The following ENTPD1 variants were observed in gnomAD, a reference collection of about 807,000 sequenced individuals.
ENTPD1 encodes the protein ATP diphosphohydrolase.
A neutral mutation model predicts 57.0 loss-of-function variants in ENTPD1; 33 were observed. The ratio of observed to expected loss-of-function variants is 0.58; its 90% CI spans 0.44 to 0.77. The LOEUF (loss-of-function observed/expected upper bound fraction) is 0.77, where lower values mean the gene tolerates loss of function less well. Ranked by LOEUF, ENTPD1 falls within the 30% of genes least tolerant of loss-of-function variation. ENTPD1 has a pLI of 0.00. For synonymous variants in ENTPD1, 202 were observed against 218.8 expected (o/e 0.92, Z 0.68); for missense variants, 501 against 603.4 (o/e 0.83, Z 1.78).
In ENTPD1 at chr10:95,743,101, A is replaced by C. The variant is rs546273101; in HGVS notation, c.37+31108A>C. On this transcript the variant is annotated intron_variant, in intron 1 of 9. Coordinates refer to the ENTPD1 transcript ENST00000453258. ...AGATTCCAAATTACATTTAATCTTC[A>C]TGACTCCTTAGGCTCCTCTTGGCTG... Among the ~76,000 whole-genome samples, 16 of 152,340 alleles carry C rather than the reference A, an allele frequency of 1.1e-4. No individual in the cohort carries two copies. The South Asian group carries it at 1.2e-3, about 12-fold the overall frequency.
chr10:95,825,400 A>C (rs551859779), intron 2 of ENTPD1, among the ~76,000 whole-genome samples: 2 of 152,364 alleles, frequency 1.3e-5, no homozygotes, highest in South Asian at 4.1e-4. Context: ...CATGGTTTGT[A>C]AACTAGTACC....
chr10:95,762,271 T>C (rs573561624), intron 1 of ENTPD1, among the ~76,000 whole-genome samples: 30 of 151,494 alleles, frequency 2.0e-4, no homozygotes, highest in Non-Finnish European at 4.0e-4. Flanking sequence ...AAAGCATTGC[T>C]TTATGTCCGT....
At chr10:95,768,875 T>G (rs540674358) in intron 1 of ENTPD1, among the ~76,000 whole-genome samples, 50 of 152,322 alleles carry the variant, frequency 3.3e-4, no homozygotes, top group Non-Finnish European at 4.6e-4. Flanking sequence ...TGTATGTATG[T>G]ATGGATGAAT....
intron 1 of ENTPD1, among the ~76,000 whole-genome samples, chr10:95,762,209 C>CAA (rs59588135): frequency 0.029 from 2,290 of 78,452 alleles, 28 homozygotes; most frequent in Middle Eastern, 0.047. Flanking sequence ...TAAAAAGAAG[C>CAA]AAAAAAAAAA....
At chr10:95,774,695 T>C (rs2098127281) in intron 1 of ENTPD1, among the ~76,000 whole-genome samples, 1 of 152,244 alleles carries the variant, frequency 6.6e-6, no homozygotes, top group Non-Finnish European at 1.5e-5. Flanking sequence ...TCTATCTCTC[T>C]GTTTTGGTAC....
chr10:95,764,411 C>A (rs1007290028), intron 1 of ENTPD1, among the ~76,000 whole-genome samples: 2 of 152,154 alleles, frequency 1.3e-5, no homozygotes, highest in Non-Finnish European at 1.5e-5. Flanking sequence ...TACCTAGGAG[C>A]AAAATTGCTG....
In ENTPD1 at chr10:95,801,747, T is replaced by A. The variant is rs567839430; in HGVS notation, c.17-21490T>A. Among the ~76,000 whole-genome samples, 406 of 152,288 alleles carry A rather than the reference T, an allele frequency of 2.7e-3. 2 individuals carry two copies. The highest frequency in any genetic ancestry group is 4.3e-3 in the Non-Finnish European group (293 of 68,020). ...GTTACTGTAACCCTGTAGTATAGTT[T>A]GAGGTCAGATAGCGTGATGCCTCCA... On this transcript the variant is annotated intron_variant, in intron 1 of 9. Coordinates refer to ENST00000371205, the MANE Select transcript of ENTPD1 (RefSeq NM_001776.6).
At chr10:95,813,438 C>A (rs780495882) in intron 1 of ENTPD1, among the ~76,000 whole-genome samples, 1 of 152,200 alleles carries the variant, frequency 6.6e-6, no homozygotes, top group Non-Finnish European at 1.5e-5. Context: ...GCTGCCTATT[C>A]TTCATAGACT....
At chr10:95,809,127 A>G (rs10882668) in intron 1 of ENTPD1, among the ~76,000 whole-genome samples, 76,259 of 151,974 alleles carry the variant, frequency 0.5, 19,633 homozygotes, top group Admixed American at 0.6. Flanking sequence ...ACTTCTTTCT[A>G]CACAGACACA....
Position 95,869,793 on chromosome 10 carries a change from C to A in ENTPD1, c.*3410C>A. The A allele has an allele frequency of 1.4e-6, 1 of 725,802 alleles. No individual in the cohort carries two copies. Among genetic ancestry groups the A allele is most frequent in the Middle Eastern group, 7.2e-4 (1 of 1,380 alleles). 45.0% of individuals were successfully genotyped at this position (725,802 alleles called of 1,614,324 possible). On this transcript the variant is annotated 3_prime_UTR_variant, in exon 10 of 10. Coordinates refer to ENST00000371205, the MANE Select transcript of ENTPD1 (RefSeq NM_001776.6). ...GAGAGTTTTCAGAAAGCAACTAAAT[C>A]CAAAATACTATCAAGGAATCAATAT...
Position 95,870,607 on chromosome 10 carries a change from C to A in ENTPD1, c.*4224C>A, listed in dbSNP as rs2098479326. 2.0e-6 allele frequency: 2 copies of A among 985,438 alleles called. No individual in the cohort carries two copies. Among genetic ancestry groups the A allele is most frequent in the African/African-American group, 1.7e-5 (1 of 57,366 alleles). 61.0% of individuals were successfully genotyped at this position (985,438 alleles called of 1,614,324 possible). ...ATGAATATTTTAATAGCTCACAGAA[C>A]AAAGTTTGCCACATAATGATAAAAT... On this transcript the variant is annotated 3_prime_UTR_variant, in exon 10 of 10. Coordinates refer to ENST00000371205, the MANE Select transcript of ENTPD1 (RefSeq NM_001776.6).
intron 2 of ENTPD1, among the ~76,000 whole-genome samples, chr10:95,837,298 C>T (rs754437364): frequency 6.6e-6 from 1 of 152,186 alleles, no homozygotes; most frequent in African/African-American, 2.4e-5. Context: ...CATTTTCTGG[C>T]AGGAAGAAAT....
At chr10:95,735,594 G>A (rs6584021) in intron 1 of ENTPD1, among the ~76,000 whole-genome samples, 107,796 of 149,678 alleles carry the variant, frequency 0.72, 39,756 homozygotes, top group African/African-American at 0.87. Flanking sequence ...TTATTTATTT[G>A]TTTGTTTGTT....
chr10:95,842,480 C>T lies in ENTPD1; in HGVS notation c.399C>T (p.Gly133=), dbSNP rs1409562851. Residue 133 remains glycine, a synonymous_variant, in exon 4 of 10, where the codon GGC becomes GGT. Coordinates refer to ENST00000371205, the MANE Select transcript of ENTPD1 (RefSeq NM_001776.6). The part of the protein sequence containing the change: ...ETPVYLGATA[G]MRLLRMESEE... ...CCGTTTACCTGGGAGCCACGGCAGG[C>T]ATGCGGTTGCTCAGGTATAGCAGCA... 2 of 1,613,814 alleles carry T rather than the reference C, an allele frequency of 1.2e-6. No homozygotes were observed. The highest frequency in any genetic ancestry group is 1.1e-5 in the South Asian group (1 of 91,064).
Position 95,867,037 on chromosome 10 carries a change from A to C in ENTPD1, c.*654A>C, listed in dbSNP as rs1005665456. ...TCACATATTCCTAGGTGATACCCAAATGCTACAGAGTGGAACACTCAGACC... is the reference window on the plus strand; with the variant it reads ...TCACATATTCCTAGGTGATACCCAACTGCTACAGAGTGGAACACTCAGACC... On this transcript the variant is annotated 3_prime_UTR_variant, in exon 10 of 10. Transcript: ENST00000371205. The C allele has an allele frequency of 5.0e-6, 5 of 990,620 alleles. No homozygotes were observed. The highest frequency in any genetic ancestry group is 6.0e-6 in the Non-Finnish European group (5 of 833,006). The allele number at this position is 990,620 out of a possible 1,614,324, so 61.4% of individuals were successfully genotyped here.
At chr10:95,778,615 C>A (rs1347932746) in intron 1 of ENTPD1, among the ~76,000 whole-genome samples, 1 of 151,970 alleles carries the variant, frequency 6.6e-6, no homozygotes, top group Non-Finnish European at 1.5e-5. Context: ...TATCTTTTAA[C>A]CTTTTTGTTA....
chr10:95,755,681 A>C (rs1460224589), upstream of ENTPD1: 16 of 1,537,118 alleles, frequency 1.0e-5, no homozygotes, highest in African/African-American at 1.4e-5. Flanking sequence ...ATGAGCCTTG[A>C]GAAAGGATTG....
At chr10:95,793,983 T>G (rs577579295) in intron 1 of ENTPD1, among the ~76,000 whole-genome samples, 1 of 152,326 alleles carries the variant, frequency 6.6e-6, no homozygotes, top group South Asian at 2.1e-4. Context: ...AGAAAGTCAC[T>G]AATGACTAAT....
At chr10:95,750,905 C>T (rs893383314), upstream of ENTPD1, among the ~76,000 whole-genome samples, 1 of 152,084 alleles carries the variant, frequency 6.6e-6, no homozygotes, top group Non-Finnish European at 1.5e-5. Flanking sequence ...CACCTCTAGT[C>T]CCAGCTACTT....
Sources: gnomAD v4.1 joint callset for allele counts (sites outside exome capture counted in the v4.1 genomes callset) on GRCh38, gnomAD v4.1.1 for gene constraint, MANE v1.5 for transcripts, NCBI Gene and HGNC (gene_info 2026-07-23, HGNC 2026-07-21) for gene names.